NRG3: variants seen among roughly 807,000 people sequenced by gnomAD.
The protein encoded by NRG3 is neuregulin 3.
A neutral mutation model predicts 66.9 loss-of-function variants in NRG3; 31 were observed. The ratio of observed to expected loss-of-function variants is 0.46; its 90% confidence interval spans 0.35 to 0.63. The LOEUF is 0.63. NRG3 is among the 20% of genes least tolerant of loss of function. The pLI, the probability that NRG3 is intolerant of heterozygous loss-of-function variation, is 0.00. For missense variants in NRG3, 910 were observed against 878.9 expected (o/e 1.04, Z -0.45); for synonymous variants, 393 against 359.4 (o/e 1.09, Z -1.06).
chr10:81,908,369 ATGAT>A (rs1554852991), intron 1 of NRG3, among the ~76,000 whole-genome samples: 1 of 152,186 alleles, frequency 6.6e-6, no homozygotes, highest in Non-Finnish European at 1.5e-5. Flanking sequence ...CAATGAGCCT[ATGAT>A]TGGTAACAGG....
In NRG3 at chr10:82,928,625, T is replaced by A. The variant is rs1439695636; in HGVS notation, c.1055-22844T>A. ...AGGGATCAGCAGGTTTTTTTTTTTT[T>A]AAAAGTAAATCTCAAACTTGTTCAA... On this transcript the variant is annotated intron_variant, in intron 4 of 8. Coordinates refer to ENST00000372141, the MANE Select transcript of NRG3 (RefSeq NM_001010848.4). Among the ~76,000 whole-genome samples the A allele has an allele frequency of 1.2e-3, 176 of 150,168 alleles. 3 individuals carry two copies. The highest frequency in any genetic ancestry group is 4.0e-3 in the African/African-American group (164 of 41,110).
intron 2 of NRG3, among the ~76,000 whole-genome samples, chr10:82,725,531 T>C (rs1255664721): frequency 6.6e-6 from 1 of 152,170 alleles, no homozygotes; most frequent in African/African-American, 2.4e-5. Flanking sequence ...GGGATATCGT[T>C]ATAGGAAAAA....
At chr10:82,059,846 G>A (rs1346274583) in intron 1 of NRG3, among the ~76,000 whole-genome samples, 1 of 152,118 alleles carries the variant, frequency 6.6e-6, no homozygotes, top group Non-Finnish European at 1.5e-5. Context: ...TCATGTCCTA[G>A]GTACCACCAG....
chr10:82,682,406 T>C (rs978568784), intron 2 of NRG3, among the ~76,000 whole-genome samples: 46 of 138,578 alleles, frequency 3.3e-4, no homozygotes, highest in African/African-American at 1.2e-3. Context: ...GACAGATAGA[T>C]AGATAGATAG....
intron 3 of NRG3, among the ~76,000 whole-genome samples, chr10:82,796,649 A>G (rs1277979173): frequency 6.6e-6 from 1 of 152,198 alleles, no homozygotes; most frequent in Non-Finnish European, 1.5e-5. Flanking sequence ...GAATTTTAAA[A>G]TTATTTTCTC....
At chr10:82,439,827 T>A (rs1211063671) in intron 2 of NRG3, among the ~76,000 whole-genome samples, 2 of 152,094 alleles carry the variant, frequency 1.3e-5, no homozygotes, top group Non-Finnish European at 2.9e-5. Context: ...CAATTTTATA[T>A]CCATGTATAA....
chr10:82,144,531 T>C (rs1239608102), intron 1 of NRG3, among the ~76,000 whole-genome samples: 1 of 152,176 alleles, frequency 6.6e-6, no homozygotes, highest in Non-Finnish European at 1.5e-5. Context: ...GGGTAACCTT[T>C]AGTTAAAAGA....
At chr10:82,122,901 A>T (rs2068186467) in intron 1 of NRG3, among the ~76,000 whole-genome samples, 2 of 151,892 alleles carry the variant, frequency 1.3e-5, no homozygotes, top group South Asian at 4.2e-4. Context: ...ACACCTCTTA[A>T]TCTCTCTTTC....
At chr10:82,537,633 A>G (rs961924825) in intron 2 of NRG3, among the ~76,000 whole-genome samples, 1 of 152,214 alleles carries the variant, frequency 6.6e-6, no homozygotes, top group African/African-American at 2.4e-5. Flanking sequence ...ACAGCCTTCA[A>G]GTAAGAAAAT....
intron 1 of NRG3, among the ~76,000 whole-genome samples, chr10:81,996,987 T>A (rs2060963966): frequency 6.6e-6 from 1 of 152,178 alleles, no homozygotes; most frequent in Non-Finnish European, 1.5e-5. Context: ...TGTATTTAAA[T>A]TCTTTAATAA....
intron 1 of NRG3, among the ~76,000 whole-genome samples, chr10:82,185,759 T>C (rs2073764389): frequency 6.6e-6 from 1 of 152,156 alleles, no homozygotes; most frequent in African/African-American, 2.4e-5. Context: ...CAAGAGTCTT[T>C]CCACATTACT....
At chr10:82,231,345 G>A (rs909399536) in intron 1 of NRG3, among the ~76,000 whole-genome samples, 6 of 151,522 alleles carry the variant, frequency 4.0e-5, no homozygotes, top group African/African-American at 1.5e-4. Context: ...GCGAGACTCC[G>A]TCTCAAAAAA....
At chr10:82,920,174 T>A (rs779448923) in intron 4 of NRG3, among the ~76,000 whole-genome samples, 25 of 151,476 alleles carry the variant, frequency 1.7e-4, no homozygotes, top group Non-Finnish European at 1.0e-4. Flanking sequence ...GAACTGTACG[T>A]AAGTACTGTA....
intron 2 of NRG3, among the ~76,000 whole-genome samples, chr10:82,658,892 T>C (rs1157756155): frequency 6.6e-6 from 1 of 152,228 alleles, no homozygotes; most frequent in Non-Finnish European, 1.5e-5. Context: ...GGGAAGTATA[T>C]GTTAGCTATG....
At chr10:82,393,715 T>C (rs1309749544) in intron 2 of NRG3, among the ~76,000 whole-genome samples, 1 of 152,158 alleles carries the variant, frequency 6.6e-6, no homozygotes, top group Admixed American at 6.5e-5. Context: ...AGGAGCAGCA[T>C]ATGCATGGCA....
At chr10:82,715,718 C>T (rs73299702) in intron 2 of NRG3, among the ~76,000 whole-genome samples, 9,067 of 152,180 alleles carry the variant, frequency 0.06, 710 homozygotes, top group African/African-American at 0.18. Context: ...TACAGTGTCA[C>T]TGGAAGGTTA....
chr10:82,052,180 G>A (rs2063629255), intron 1 of NRG3, among the ~76,000 whole-genome samples: 1 of 151,754 alleles, frequency 6.6e-6, no homozygotes, highest in Non-Finnish European at 1.5e-5. Context: ...TAGGGGCACT[G>A]CAGTGAAAAA....
intron 2 of NRG3, among the ~76,000 whole-genome samples, chr10:82,513,069 C>T (rs1377518344): frequency 6.6e-6 from 1 of 152,108 alleles, no homozygotes; most frequent in African/African-American, 2.4e-5. Context: ...GATGTTAAGC[C>T]CAGCATGCAT....
chr10:81,879,382 T>A (rs1841982199), intron 1 of NRG3, among the ~76,000 whole-genome samples: 1 of 152,224 alleles, frequency 6.6e-6, no homozygotes, highest in Non-Finnish European at 1.5e-5. Context: ...AGCCTTTCCC[T>A]TTTACAGCGC....
Sources: allele counts gnomAD v4.1 joint callset (sites outside exome capture counted in the v4.1 genomes callset), GRCh38; gene constraint gnomAD v4.1.1; transcripts MANE v1.5; gene names NCBI Gene and HGNC (gene_info 2026-07-23, HGNC 2026-07-21).